FKBP1B: variants seen among roughly 807,000 people sequenced by gnomAD.
FKBP1B encodes the protein peptidyl-prolyl cis-trans isomerase FKBP1B.
In FKBP1B, 4 loss-of-function variants were observed where a neutral mutation model predicts 13.5. The observed-to-expected ratio is 0.30, with a 90% CI of 0.15 to 0.68. FKBP1B has a LOEUF of 0.68. Among genes scored for constraint, FKBP1B ranks in the 30% least tolerant of loss-of-function variants. The pLI, the probability that FKBP1B is intolerant of heterozygous loss-of-function variation, is 0.76. For missense variants in FKBP1B, 93 were observed against 136.2 expected (o/e 0.68, Z 1.58); for synonymous variants, 54 against 53.6 (o/e 1.01, Z -0.03).
intron 2 of FKBP1B, among the ~76,000 whole-genome samples, chr2:24,059,186 G>A (rs1260747665): frequency 1.3e-5 from 2 of 150,630 alleles, no homozygotes; most frequent in Non-Finnish European, 2.9e-5. Context: ...TGGTGGTCCA[G>A]GGACTGCCGG....
At chr2:24,038,093 A>G in the FKBP1B span, 1 of 1,614,208 alleles carries the variant, frequency 6.2e-7, no homozygotes, top group South Asian at 1.1e-5. Context: ...AAATCTGGGG[A>G]AAGACTTTCA....
At chr2:24,061,087 T>A (rs1664370468) in intron 3 of FKBP1B, among the ~76,000 whole-genome samples, 161 bp downstream of exon 3, 6 of 151,994 alleles carry the variant, frequency 3.9e-5, no homozygotes, top group Admixed American at 3.3e-4. Context: ...TGGCTTTGCG[T>A]CCCCACCCCT....
the FKBP1B span, among the ~76,000 whole-genome samples, chr2:24,037,059 G>A: frequency 6.6e-6 from 1 of 152,228 alleles, no homozygotes; most frequent in East Asian, 1.9e-4. Flanking sequence ...ACGGAGTCTC[G>A]CCCTGTTGCC....
At chr2:24,057,624 C>T (rs972159501) in intron 2 of FKBP1B, among the ~76,000 whole-genome samples, 14 of 152,022 alleles carry the variant, frequency 9.2e-5, no homozygotes, top group African/African-American at 2.4e-4. Flanking sequence ...CTGCTCGCCT[C>T]GGCCTCCCAA....
the FKBP1B span, chr2:24,038,237 C>T: frequency 6.2e-7 from 1 of 1,614,122 alleles, no homozygotes; most frequent in Non-Finnish European, 8.5e-7. Context: ...GCATACTGAT[C>T]AGACTTTGAA....
chr2:24,053,047 G>A (rs577033835), intron 1 of FKBP1B, among the ~76,000 whole-genome samples: 3 of 152,070 alleles, frequency 2.0e-5, no homozygotes, highest in Admixed American at 6.6e-5. Context: ...GTATCCCTGT[G>A]ATCAGGCACA....
chr2:24,038,408 T>A, the FKBP1B span: 2 of 1,614,188 alleles, frequency 1.2e-6, no homozygotes, highest in Admixed American at 3.3e-5. Flanking sequence ...ATCAAAATTA[T>A]ATTACAAGTG....
At chr2:24,039,490 T>C in the FKBP1B span, 1 of 1,609,212 alleles carries the variant, frequency 6.2e-7, no homozygotes, top group African/African-American at 1.3e-5. Context: ...TTTTCCCAAC[T>C]CCATCCTTTT....
the FKBP1B span, among the ~76,000 whole-genome samples, chr2:24,040,204 T>C: frequency 2.0e-5 from 3 of 152,206 alleles, no homozygotes; most frequent in African/African-American, 4.8e-5. Flanking sequence ...TAAAATGTCA[T>C]GATGCCTACA....
chr2:24,059,183 C>T (rs918285125), intron 2 of FKBP1B, among the ~76,000 whole-genome samples: 1 of 150,644 alleles, frequency 6.6e-6, no homozygotes, highest in African/African-American at 2.5e-5. Context: ...TTGTGGTGGT[C>T]CAGGGACTGC....
rs932174500 is a variant in FKBP1B, at chr2:24,050,400, G to C, written c.37+514G>C. Among the ~76,000 whole-genome samples, 1 of 152,170 alleles carries C rather than the reference G, an allele frequency of 6.6e-6. No homozygotes were observed. The highest frequency in any genetic ancestry group is 2.1e-4 in the South Asian group (1 of 4,832). ...CAGACCCAGGCTGGGGAAGGGGGAA[G>C]CGCTCCCTTGCCCGCTTCCGGATCT... is the stretch of plus-strand genomic sequence containing the variant. On this transcript the variant is annotated intron_variant, in intron 1 of 3. Coordinates refer to ENST00000380986, the MANE Select transcript of FKBP1B (RefSeq NM_004116.5). The surrounding 1 kb of genome is among the most constrained non-coding windows in gnomAD (Gnocchi z 5.8).
At chr2:24,044,547 G>A in the FKBP1B span, among the ~76,000 whole-genome samples, 1 of 152,072 alleles carries the variant, frequency 6.6e-6, no homozygotes, top group Non-Finnish European at 1.5e-5. Context: ...GATTACAGGC[G>A]TGAGCCACTG....
the FKBP1B span, among the ~76,000 whole-genome samples, chr2:24,041,395 CT>C: frequency 1.3e-5 from 2 of 151,920 alleles, no homozygotes; most frequent in African/African-American, 4.8e-5. Context: ...TTAGCTCCTC[CT>C]CCTTTCCAAC....
the FKBP1B span, among the ~76,000 whole-genome samples, chr2:24,036,051 G>A: frequency 6.9e-6 from 1 of 145,408 alleles, no homozygotes; most frequent in Admixed American, 6.9e-5. Context: ...CCTGGTGACA[G>A]AGACTCCGTC....
rs775277900 is a variant in FKBP1B, at chr2:24,063,147, C to T, written c.282C>T (p.Pro94=). The T allele has an allele frequency of 6.2e-7, 1 of 1,611,698 alleles. No individual in the cohort carries two copies. The highest frequency in any genetic ancestry group is 1.3e-5 in the African/African-American group (1 of 74,946). ...GATGHPGVIP[P]NATLIFDVEL... ...CGGGCCACCCCGGTGTCATCCCTCC[C>T]AATGCCACCCTCATCTTTGACGTGG... Residue 94 remains proline (P), a synonymous_variant, in exon 4 of 4, where the codon CCC becomes CCT. Coordinates refer to ENST00000380986, the MANE Select transcript of FKBP1B (RefSeq NM_004116.5).
the FKBP1B span, among the ~76,000 whole-genome samples, chr2:24,040,970 C>T: frequency 4.0e-4 from 61 of 151,690 alleles, no homozygotes; most frequent in African/African-American, 1.3e-3. Context: ...GAGCTGAGAT[C>T]GTGCCATTGC....
At chr2:24,038,297 G>C in the FKBP1B span, 1 of 1,614,160 alleles carries the variant, frequency 6.2e-7, no homozygotes, top group African/African-American at 1.3e-5. Flanking sequence ...ACCAAAATTA[G>C]TAATAGTTGG....
At chr2:24,055,081 C>G (rs776984438) in intron 2 of FKBP1B, among the ~76,000 whole-genome samples, 2 of 152,140 alleles carry the variant, frequency 1.3e-5, no homozygotes, top group Non-Finnish European at 2.9e-5. Flanking sequence ...ATTTATGTGA[C>G]TACCACCTAG....
At chr2:24,051,867 G>A (rs951457934) in intron 1 of FKBP1B, among the ~76,000 whole-genome samples, 5 of 152,018 alleles carry the variant, frequency 3.3e-5, no homozygotes, top group African/African-American at 7.3e-5. Context: ...ATCCAGCCCC[G>A]TAGCTTTAAA....
Sources: gnomAD v4.1 joint callset for allele counts (sites outside exome capture counted in the v4.1 genomes callset) on GRCh38, gnomAD v4.1.1 for gene constraint, Gnocchi (gnomAD v3.1) non-coding constraint, MANE v1.5 for transcripts, NCBI Gene and HGNC (gene_info 2026-07-23, HGNC 2026-07-21) for gene names.